The following ANK1 variants were observed in gnomAD, a reference collection of about 807,000 sequenced individuals.
ANK1 encodes ankyrin 1.
Under a neutral mutation model 210.4 loss-of-function variants are expected in ANK1, and 51 were observed. That is an observed-to-expected ratio of 0.24 (90% CI 0.19 to 0.31). The LOEUF (loss-of-function observed/expected upper bound fraction) is 0.31, where lower values mean the gene tolerates loss of function less well. Ranked by LOEUF, ANK1 falls within the 10% of genes least tolerant of loss-of-function variation. ANK1 has a pLI of 1.00. For synonymous variants in ANK1, 967 were observed against 1,025.9 expected, an observed-to-expected ratio of 0.94 and a Z score of 1.10; for missense variants, 2,051 against 2,504.4, an observed-to-expected ratio of 0.82 and a Z score of 3.86.
At chr8:41,763,192 C>T (rs1010852421) in intron 1 of ANK1, among the ~76,000 whole-genome samples, 8 of 135,590 alleles carry the variant, frequency 5.9e-5, no homozygotes, top group South Asian at 2.3e-4. Context: ...CCAGCCTGGG[C>T]GACAGAGAGA....
At chr8:41,757,494 C>T (rs549214935) in intron 2 of ANK1, among the ~76,000 whole-genome samples, 1 of 152,304 alleles carries the variant, frequency 6.6e-6, no homozygotes, top group Admixed American at 6.5e-5. Context: ...TCCTCGCCAG[C>T]CCCTTCTGAA....
At chr8:41,677,059 G>C (rs184967987) in intron 37 of ANK1, among the ~76,000 whole-genome samples, 341 of 152,276 alleles carry the variant, frequency 2.2e-3, no homozygotes, top group African/African-American at 7.5e-3. Context: ...CTTCCTAAGT[G>C]AGCTTTGATA....
chr8:41,709,997 T>C (rs1825705905), intron 16 of ANK1, among the ~76,000 whole-genome samples: 1 of 152,194 alleles, frequency 6.6e-6, no homozygotes, highest in African/African-American at 2.4e-5. Context: ...TTGCAAGACA[T>C]TATAATTGCA....
chr8:41,729,276 G>A, intron 3 of ANK1, among the ~76,000 whole-genome samples: 1 of 152,184 alleles, frequency 6.6e-6, no homozygotes, highest in Non-Finnish European at 1.5e-5. Context: ...AAACTGGAGA[G>A]AATAAACACT....
chr8:41,767,410 C>A (rs1189121053), intron 1 of ANK1, among the ~76,000 whole-genome samples: 1 of 151,818 alleles, frequency 6.6e-6, no homozygotes, highest in Non-Finnish European at 1.5e-5. Context: ...AATCCGAGCC[C>A]GGCTCCCGCT....
intron 3 of ANK1, among the ~76,000 whole-genome samples, chr8:41,731,285 A>G (rs1396100538): frequency 7.2e-5 from 11 of 152,216 alleles, no homozygotes; most frequent in African/African-American, 2.7e-4. Flanking sequence ...TTTGCTCCAC[A>G]AACACCCAAT....
intron 37 of ANK1, 119 bp downstream of exon 37, chr8:41,684,425 C>T (rs761017829): frequency 1.3e-6 from 2 of 1,493,546 alleles, no homozygotes; most frequent in African/African-American, 2.8e-5. Context: ...CCAGACCTCC[C>T]ACCAATGGGA....
rs1302509244 is a variant in ANK1, at chr8:41,695,307, G to A, written c.2985C>T (p.His995=). ...GGTCTCCACGGCCATGGGAGGCAAA[G>A]TGCGGGATCTCCACGATTACAGGGC... is the stretch of plus-strand genomic sequence containing the variant. ...FLSPVIVEIP[H]FASHGRGDRE... is the part of the protein sequence containing the mutation. The change falls in exon 27 of 43, where the codon CAC becomes CAT. Residue 995 remains histidine, a synonymous_variant. Coordinates refer to ENST00000289734, the MANE Select transcript of ANK1 (RefSeq NM_000037.4). 1 of 1,614,008 alleles carries A rather than the reference G, an allele frequency of 6.2e-7. No homozygotes were observed. The highest frequency in any genetic ancestry group is 1.7e-5 in the Admixed American group (1 of 60,030).
intron 1 of ANK1, among the ~76,000 whole-genome samples, chr8:41,788,687 G>T (rs1232700829): frequency 6.6e-6 from 1 of 152,074 alleles, no homozygotes; most frequent in Non-Finnish European, 1.5e-5. Flanking sequence ...CAATCCCCTC[G>T]ATTTAGGACC....
At chr8:41,856,336 T>C (rs560384787) in intron 1 of ANK1, among the ~76,000 whole-genome samples, 3 of 152,314 alleles carry the variant, frequency 2.0e-5, no homozygotes, top group Non-Finnish European at 2.9e-5. Context: ...CCTCAACTAA[T>C]GTTAACACCA....
intron 1 of ANK1, among the ~76,000 whole-genome samples, chr8:41,866,065 T>G: frequency 6.6e-6 from 1 of 152,236 alleles, no homozygotes; most frequent in South Asian, 2.1e-4. Context: ...CACATACCCT[T>G]CAGTGGGGAC....
At chr8:41,699,786 C>A (rs1822184947) in intron 22 of ANK1, among the ~76,000 whole-genome samples, 1 of 152,178 alleles carries the variant, frequency 6.6e-6, no homozygotes, top group African/African-American at 2.4e-5. Flanking sequence ...TTGCAGGAGG[C>A]CAAAGACACA....
chr8:41,676,405 G>A (rs1022972158), intron 37 of ANK1, among the ~76,000 whole-genome samples: 2 of 152,108 alleles, frequency 1.3e-5, no homozygotes, highest in African/African-American at 2.4e-5. Flanking sequence ...AAGTCTGTTC[G>A]AATCTATTGC....
intron 1 of ANK1, among the ~76,000 whole-genome samples, chr8:41,778,655 G>A (rs1844626539): frequency 6.6e-6 from 1 of 152,226 alleles, no homozygotes; most frequent in Non-Finnish European, 1.5e-5. Flanking sequence ...AGGAAGCTGT[G>A]TGAATGTTAT....
intron 9 of ANK1, among the ~76,000 whole-genome samples, chr8:41,720,619 G>A (rs1469479681): frequency 6.6e-6 from 1 of 152,140 alleles, no homozygotes; most frequent in African/African-American, 2.4e-5. Context: ...AAGGAAGCTT[G>A]TAGACAGACA....
chr8:41,677,581 T>G (rs1373636787), intron 37 of ANK1, among the ~76,000 whole-genome samples: 2 of 145,408 alleles, frequency 1.4e-5, no homozygotes, highest in Admixed American at 7.2e-5. Context: ...TTTCTTTTTT[T>G]CCCTTTTTCT....
At chr8:41,882,527 G>A (rs1335357329) in intron 1 of ANK1, among the ~76,000 whole-genome samples, 1 of 152,158 alleles carries the variant, frequency 6.6e-6, no homozygotes, top group Non-Finnish European at 1.5e-5. Context: ...GATGGGCACT[G>A]GGAGGGACTG....
At chr8:41,735,303 C>A (rs2150675198) in intron 2 of ANK1, among the ~76,000 whole-genome samples, 1 of 152,320 alleles carries the variant, frequency 6.6e-6, no homozygotes, top group African/African-American at 2.4e-5. Flanking sequence ...ATGAGTCGAT[C>A]TTGGCTCCGT....
chr8:41,812,844 C>T (rs1033561122), intron 1 of ANK1, among the ~76,000 whole-genome samples: 3 of 152,178 alleles, frequency 2.0e-5, no homozygotes, highest in Non-Finnish European at 4.4e-5. Flanking sequence ...GGTTAACACT[C>T]CTATGAGAAT....
Sources: allele counts gnomAD v4.1 joint callset (sites outside exome capture counted in the v4.1 genomes callset), GRCh38; gene constraint gnomAD v4.1.1; transcripts MANE v1.5; gene names NCBI Gene and HGNC (gene_info 2026-07-23, HGNC 2026-07-21).